The following ZRANB3 variants were observed in gnomAD, a reference collection of about 807,000 sequenced individuals.
ZRANB3 encodes the protein DNA annealing helicase and endonuclease ZRANB3.
In ZRANB3, 125 loss-of-function variants were observed where a neutral mutation model predicts 133.8. The ratio of observed to expected loss-of-function variants is 0.93; its 90% CI spans 0.81 to 1.08. The LOEUF (loss-of-function observed/expected upper bound fraction) is 1.08. Ranked by LOEUF, ZRANB3 falls within the 50% of genes least tolerant of loss-of-function variation. The probability of loss-of-function intolerance (pLI) is 0.00; values close to 1 mark genes in which losing one functional copy is unlikely to be tolerated. For missense variants in ZRANB3, 1,229 were observed against 1,275.5 expected (o/e 0.96, Z 0.56); for synonymous variants, 387 against 432.7 (o/e 0.89, Z 1.31).
intron 6 of ZRANB3, among the ~76,000 whole-genome samples, chr2:135,328,929 G>GT (rs1327382811): frequency 6.6e-6 from 1 of 152,108 alleles, no homozygotes; most frequent in Non-Finnish European, 1.5e-5. Context: ...TTGGAAATTT[G>GT]TTTAAGTTCT....
intron 12 of ZRANB3, among the ~76,000 whole-genome samples, chr2:135,240,215 G>A (rs1416476077): frequency 6.6e-6 from 1 of 151,982 alleles, no homozygotes; most frequent in African/African-American, 2.4e-5. Flanking sequence ...GGTGGCGTGC[G>A]CCTGTAGTCC....
intron 2 of ZRANB3, among the ~76,000 whole-genome samples, chr2:135,465,897 G>A (rs573188879): frequency 1.3e-3 from 192 of 152,126 alleles, no homozygotes; most frequent in Admixed American, 2.7e-3. Flanking sequence ...ACATTTATGC[G>A]ACCAACAAAC....
At chr2:135,522,130 G>A (rs1302099108) in intron 1 of ZRANB3, among the ~76,000 whole-genome samples, 4 of 152,098 alleles carry the variant, frequency 2.6e-5, no homozygotes, top group South Asian at 2.1e-4. Flanking sequence ...TTTCAGTCCC[G>A]AAAAGTTAAA....
rs141596716 is a variant in ZRANB3 at position 135,303,150 on chromosome 2, CTA to C, written c.966+10337_966+10338del. Among the ~76,000 whole-genome samples the C allele has an allele frequency of 3.2e-3, 485 of 152,178 alleles. 2 individuals are homozygous for C. Among genetic ancestry groups the C allele is most frequent in the African/African-American group, 0.01 (428 of 41,526 alleles). ...TATATTGAAAATATTTTCTTCCAAT[CTA>C]TGTTTTGCATTTTCATTTTCCTAAC... On this transcript the variant is annotated intron_variant, in intron 8 of 20. Coordinates refer to ENST00000264159, the MANE Select transcript of ZRANB3 (RefSeq NM_032143.4).
At chr2:135,403,717 G>A (rs1687858460) in intron 2 of ZRANB3, among the ~76,000 whole-genome samples, 1 of 152,124 alleles carries the variant, frequency 6.6e-6, no homozygotes, top group Admixed American at 6.5e-5. Flanking sequence ...GGGGCAGACT[G>A]ACACCTCACA....
intron 2 of ZRANB3, among the ~76,000 whole-genome samples, chr2:135,434,954 C>G (rs1689469718): frequency 6.6e-6 from 1 of 151,342 alleles, no homozygotes; most frequent in African/African-American, 2.4e-5. Flanking sequence ...AAATAATTTT[C>G]TTTTCTCTCT....
intron 2 of ZRANB3, among the ~76,000 whole-genome samples, chr2:135,422,102 C>T (rs1447717878): frequency 1.3e-5 from 2 of 152,004 alleles, no homozygotes; most frequent in Admixed American, 6.6e-5. Context: ...GTGTCACATT[C>T]GTAGAGTCAA....
Position 135,281,147 on chromosome 2 carries a change from T to C in ZRANB3, c.967-5392A>G, listed in dbSNP as rs116356953. Among the ~76,000 whole-genome samples, 449 of 152,318 alleles carry C rather than the reference T, an allele frequency of 2.9e-3. 2 individuals are homozygous for C. The highest frequency in any genetic ancestry group is 0.01 in the African/African-American group (423 of 41,554). Reference sequence around the variant, plus strand: ...AATTGAGCTCAACCTCTCTCGTCTATTGCAAAAGAGTTGACCTCTACTGCA... The same window carrying C: ...AATTGAGCTCAACCTCTCTCGTCTACTGCAAAAGAGTTGACCTCTACTGCA... On this transcript the variant is annotated intron_variant, in intron 8 of 20. Transcript: ENST00000264159.
intron 6 of ZRANB3, among the ~76,000 whole-genome samples, chr2:135,327,980 T>C (rs1373418989): frequency 3.3e-5 from 5 of 152,178 alleles, no homozygotes; most frequent in African/African-American, 7.2e-5. Flanking sequence ...TCCTTCTTTA[T>C]GTACTTAAGT....
At chr2:135,348,522 A>G (rs1685050281) in intron 5 of ZRANB3, among the ~76,000 whole-genome samples, 3 of 152,072 alleles carry the variant, frequency 2.0e-5, no homozygotes. Context: ...TTAATGTTCT[A>G]TTTCTTATGC....
At chr2:135,411,169 G>A (rs1223341893) in intron 2 of ZRANB3, among the ~76,000 whole-genome samples, 1 of 152,076 alleles carries the variant, frequency 6.6e-6, no homozygotes, top group South Asian at 2.1e-4. Context: ...AGCCCCAGAG[G>A]TTGAGACTGT....
intron 3 of ZRANB3, among the ~76,000 whole-genome samples, chr2:135,361,478 T>C (rs936732310): frequency 3.3e-5 from 5 of 152,252 alleles, no homozygotes; most frequent in Non-Finnish European, 5.9e-5. Context: ...ACAATTATCC[T>C]GATACATAAA....
intron 12 of ZRANB3, among the ~76,000 whole-genome samples, chr2:135,234,678 C>A (rs1284660373): frequency 6.6e-6 from 1 of 152,156 alleles, no homozygotes; most frequent in East Asian, 1.9e-4. Context: ...ACAACCTGCT[C>A]CTAATGACTA....
At chr2:135,257,892 T>G (rs1033157210) in intron 12 of ZRANB3, among the ~76,000 whole-genome samples, 2 of 152,216 alleles carry the variant, frequency 1.3e-5, no homozygotes, top group African/African-American at 2.4e-5. Flanking sequence ...GCCCCAGCTG[T>G]GCCACTTATT....
Position 135,489,670 on chromosome 2 carries a change from G to T in ZRANB3, c.161+14659C>A, listed in dbSNP as rs561913261. Among the ~76,000 whole-genome samples, 240 of 151,372 alleles carry T rather than the reference G, an allele frequency of 1.6e-3. 1 individual carries two copies. Among genetic ancestry groups the T allele is most frequent in the African/African-American group, 5.7e-3 (235 of 41,332 alleles). On this transcript the variant is annotated intron_variant, in intron 2 of 20. Transcript: ENST00000264159. ...ATAAATAAACAAAACTGAAATGAAGGCCAAATGGAAGCAGAAGAGAGAACA... is the reference window on the plus strand; with the variant it reads ...ATAAATAAACAAAACTGAAATGAAGTCCAAATGGAAGCAGAAGAGAGAACA...
At chr2:135,461,358 T>C (rs1342501514) in intron 2 of ZRANB3, among the ~76,000 whole-genome samples, 4 of 152,114 alleles carry the variant, frequency 2.6e-5, no homozygotes, top group East Asian at 1.9e-4. Flanking sequence ...TCACCTGAGG[T>C]TGGGAGTTCA....
chr2:135,444,152 C>T (rs191257034), intron 2 of ZRANB3, among the ~76,000 whole-genome samples: 115 of 151,456 alleles, frequency 7.6e-4, no homozygotes, highest in Non-Finnish European at 1.2e-3. Flanking sequence ...AAACTGGAAC[C>T]GTCATATGTT....
rs1693541634 is a variant in ZRANB3 at position 135,199,722 on chromosome 2, C to T, written c.*620G>A. ...TTAACAATTACTTTACACAGAACCC[C>T]CAAATTGTCCACAAACACCATAGGT... On this transcript the variant is annotated 3_prime_UTR_variant, in exon 21 of 21. Transcript: ENST00000264159. 6.6e-6 allele frequency: 1 copy of T among 152,200 alleles called. No individual in the cohort carries two copies. The highest frequency in any genetic ancestry group is 2.1e-4 in the South Asian group (1 of 4,822). 9.4% of individuals were successfully genotyped at this position (152,200 alleles called of 1,614,324 possible).
At chr2:135,504,234 CTG>C (rs746176190) in intron 2 of ZRANB3, 93 bp downstream of exon 2, 6 of 1,413,816 alleles carry the variant, frequency 4.2e-6, no homozygotes, top group East Asian at 2.3e-5. Flanking sequence ...TAAAGAAAGA[CTG>C]TGAATACACG....
Sources: gnomAD v4.1 joint callset for allele counts (sites outside exome capture counted in the v4.1 genomes callset) on GRCh38, gnomAD v4.1.1 for gene constraint, MANE v1.5 for transcripts, NCBI Gene and HGNC (gene_info 2026-07-23, HGNC 2026-07-21) for gene names.